LAMA2: variants seen among roughly 807,000 people sequenced by gnomAD.
The protein encoded by LAMA2 is laminin subunit alpha 2.
Under a neutral mutation model 364.8 loss-of-function variants are expected in LAMA2, and 269 were observed. The observed-to-expected ratio is 0.74, with a 90% confidence interval of 0.67 to 0.82. The LOEUF (loss-of-function observed/expected upper bound fraction) is 0.82. LAMA2 is among the 40% of genes least tolerant of loss of function. The pLI, the probability that LAMA2 is intolerant of heterozygous loss-of-function variation, is 0.00. For missense variants in LAMA2, 3,807 were observed against 3,873.2 expected, an observed-to-expected ratio of 0.98 and a Z score of 0.45; for synonymous variants, 1,379 against 1,370.6, an observed-to-expected ratio of 1.01 and a Z score of -0.14.
At chr6:128,892,821 C>T (rs1776540498) in intron 1 of LAMA2, among the ~76,000 whole-genome samples, 1 of 151,668 alleles carries the variant, frequency 6.6e-6, no homozygotes, top group Non-Finnish European at 1.5e-5. Context: ...TTTAGTGTGT[C>T]TATTTTGTAT....
At chr6:129,373,965 G>A (rs7751121) in intron 34 of LAMA2, among the ~76,000 whole-genome samples, 3,246 of 152,068 alleles carry the variant, frequency 0.021, 119 homozygotes, top group African/African-American at 0.075. Context: ...ATTTTTATCT[G>A]CCCATTCTTC....
intron 1 of LAMA2, among the ~76,000 whole-genome samples, chr6:128,939,736 G>A (rs1308358675): frequency 1.3e-5 from 2 of 152,048 alleles, no homozygotes; most frequent in African/African-American, 4.8e-5. Flanking sequence ...GACGGGAATA[G>A]GCATCTCTTT....
chr6:129,497,158 A>G (rs889880415), intron 58 of LAMA2, among the ~76,000 whole-genome samples: 1 of 152,176 alleles, frequency 6.6e-6, no homozygotes, highest in Non-Finnish European at 1.5e-5. Flanking sequence ...ATATGTAATG[A>G]TGATATATAC....
rs1775914260 is a variant in LAMA2 at position 128,883,290 on chromosome 6, AGGCCTCGGG to A, written c.49_57del (p.Leu17_Gly19del). ...TCCTCCTCCTTCTGCTGCTCTCCGG[AGGCCTCGGG>A]GGCGTACAGGCGCAGCGGCCGCAGC... is the stretch of plus-strand genomic sequence containing the variant. On this transcript the variant is annotated inframe_deletion, in exon 1 of 65. Transcript: ENST00000421865. 1.3e-6 allele frequency: 2 copies of A among 1,583,150 alleles called. No individual in the cohort carries two copies. The highest frequency in any genetic ancestry group is 2.7e-5 in the African/African-American group (2 of 74,412).
chr6:129,182,988 T>C (rs1781019539), intron 10 of LAMA2, among the ~76,000 whole-genome samples: 1 of 151,956 alleles, frequency 6.6e-6, no homozygotes, highest in South Asian at 2.1e-4. Flanking sequence ...TTTAATACAA[T>C]GTCAACTACA....
At chr6:129,066,663 T>C (rs1442036925) in intron 3 of LAMA2, among the ~76,000 whole-genome samples, 1 of 152,192 alleles carries the variant, frequency 6.6e-6, no homozygotes, top group African/African-American at 2.4e-5. Flanking sequence ...TCACACTATC[T>C]GACTTTAAAA....
chr6:129,401,083 ATTTT>A, intron 37 of LAMA2, 137 bp from the exon 38 acceptor site: 3 of 739,646 alleles, frequency 4.1e-6, no homozygotes, highest in Admixed American at 1.8e-5. Flanking sequence ...AGTAGTTTAT[ATTTT>A]TCTCATCTAG....
chr6:129,035,143 T>C (rs1190836322), intron 1 of LAMA2, among the ~76,000 whole-genome samples: 1 of 152,096 alleles, frequency 6.6e-6, no homozygotes, highest in East Asian at 1.9e-4. Flanking sequence ...CTCACCGATA[T>C]CTAATATTTT....
chr6:129,294,736 G>A (rs1789964379), intron 20 of LAMA2, among the ~76,000 whole-genome samples: 1 of 152,188 alleles, frequency 6.6e-6, no homozygotes, highest in Admixed American at 6.5e-5. Flanking sequence ...TTGTCTTGCA[G>A]GTAGATCGGA....
intron 32 of LAMA2, among the ~76,000 whole-genome samples, chr6:129,355,263 A>C (rs997351930): frequency 2.6e-5 from 4 of 152,096 alleles, no homozygotes; most frequent in African/African-American, 9.7e-5. Flanking sequence ...TTCACCTTTC[A>C]CTAAACTAAC....
chr6:129,297,289 G>C (rs767962240), intron 20 of LAMA2, among the ~76,000 whole-genome samples: 4 of 152,112 alleles, frequency 2.6e-5, no homozygotes, highest in Admixed American at 6.5e-5. Context: ...CCAAGTAGGA[G>C]TCCATAGATC....
chr6:129,306,970 T>A (rs1773918120), intron 22 of LAMA2, among the ~76,000 whole-genome samples: 1 of 152,200 alleles, frequency 6.6e-6, no homozygotes, highest in African/African-American at 2.4e-5. Context: ...TGTTTCTGAG[T>A]CATATTTTCT....
At chr6:129,245,580 C>T (rs201054270) in intron 12 of LAMA2, among the ~76,000 whole-genome samples, 9 of 152,050 alleles carry the variant, frequency 5.9e-5, no homozygotes, top group African/African-American at 9.7e-5. Flanking sequence ...ATTTGCAGTA[C>T]GTATAACTTA....
intron 32 of LAMA2, among the ~76,000 whole-genome samples, chr6:129,364,896 G>A (rs1777672309): frequency 6.6e-6 from 1 of 152,232 alleles, no homozygotes; most frequent in Admixed American, 6.5e-5. Flanking sequence ...CAAAGCTGGA[G>A]CAGGCATCTT....
chr6:129,087,758 T>C (rs1774467263), intron 3 of LAMA2, among the ~76,000 whole-genome samples: 1 of 151,428 alleles, frequency 6.6e-6, no homozygotes, highest in Non-Finnish European at 1.5e-5. Context: ...AGGGATCAAG[T>C]AGAAAAGGAG....
chr6:129,347,594 T>C (rs1224010501), intron 30 of LAMA2, among the ~76,000 whole-genome samples: 2 of 152,184 alleles, frequency 1.3e-5, no homozygotes, highest in African/African-American at 4.8e-5. Context: ...GAGCAAGCTC[T>C]GTAAATTTTA....
chr6:129,101,887 A>G (rs1329498143), intron 4 of LAMA2, among the ~76,000 whole-genome samples: 1 of 152,164 alleles, frequency 6.6e-6, no homozygotes, highest in Non-Finnish European at 1.5e-5. Context: ...CTATGATTCT[A>G]ATTAAAAATG....
intron 2 of LAMA2, 54 bp from the exon 3 acceptor site, chr6:129,059,730 A>G: frequency 9.1e-7 from 1 of 1,093,770 alleles, no homozygotes; most frequent in South Asian, 1.3e-5. Flanking sequence ...AAAGCTATAA[A>G]CTAGTTATAT....
chr6:128,909,159 G>A (rs1777709807), intron 1 of LAMA2, among the ~76,000 whole-genome samples: 2 of 151,772 alleles, frequency 1.3e-5, no homozygotes, highest in Admixed American at 6.6e-5. Flanking sequence ...GGTCCGCTTG[G>A]TGCAGAGCTG....
Sources: gnomAD v4.1 joint callset for allele counts (sites outside exome capture counted in the v4.1 genomes callset) on GRCh38, gnomAD v4.1.1 for gene constraint, MANE v1.5 for transcripts, NCBI Gene and HGNC (gene_info 2026-07-23, HGNC 2026-07-21) for gene names.